Variants in UHRF1 observed in about 807,000 individuals in gnomAD.
UHRF1 encodes ubiquitin like with PHD and ring finger domains 1, also known as E3 ubiquitin-protein ligase UHRF1.
A neutral mutation model predicts 96.5 loss-of-function variants in UHRF1; 9 were observed. The observed-to-expected ratio is 0.09, with a 90% CI of 0.06 to 0.16. The LOEUF (loss-of-function observed/expected upper bound fraction) is 0.16. Among genes scored for constraint, UHRF1 ranks in the 10% least tolerant of loss-of-function variants. The probability of loss-of-function intolerance (pLI) is 1.00; values close to 1 mark genes in which losing one functional copy is unlikely to be tolerated. For missense variants in UHRF1, 626 were observed against 1,131.1 expected (o/e 0.55, Z 6.40); for synonymous variants, 455 against 469.9 (o/e 0.97, Z 0.41).
At chr19:4,909,338 G>A (rs2032152238), upstream of UHRF1, 1 of 584,176 alleles carries the variant, frequency 1.7e-6, no homozygotes, top group Non-Finnish European at 3.0e-6. Flanking sequence ...CGGAGCCGTG[G>A]CCCACTAGGC....
chr19:4,949,382 G>A (rs546744474), intron 11 of UHRF1, among the ~76,000 whole-genome samples: 17 of 150,182 alleles, frequency 1.1e-4, no homozygotes, highest in Non-Finnish European at 1.9e-4. Context: ...CTCTAACTCC[G>A]CTTTGAAAAA....
chr19:4,925,233 T>A (rs2032830891), intron 2 of UHRF1, among the ~76,000 whole-genome samples: 1 of 152,204 alleles, frequency 6.6e-6, no homozygotes, highest in African/African-American at 2.4e-5. Context: ...GCAGTCTATT[T>A]TAGAACATTT....
chr19:4,915,771 C>T (rs979760634), intron 2 of UHRF1, among the ~76,000 whole-genome samples: 3 of 152,194 alleles, frequency 2.0e-5, no homozygotes, highest in African/African-American at 4.8e-5. Flanking sequence ...GAATTGTCCC[C>T]GTGGACATAG....
chr19:4,929,210 G>C lies in UHRF1; in HGVS notation c.154-12G>C. On this transcript the variant is annotated splice_polypyrimidine_tract_variant and intron_variant, in intron 2 of 16. Transcript: ENST00000650932. ...GGTGGCTAAACAGCGTCTGCCTCTG[G>C]TGTCCCTGCAGATGGAGGACGGCCA... 5 of 1,606,210 alleles carry C rather than the reference G, an allele frequency of 3.1e-6. No homozygotes were observed. The highest frequency in any genetic ancestry group is 4.3e-6 in the Non-Finnish European group (5 of 1,174,144).
Position 4,962,071 on chromosome 19 carries a change from A to G in UHRF1, c.*1268A>G, listed in dbSNP as rs560986323. On this transcript the variant is annotated 3_prime_UTR_variant, in exon 17 of 17. Coordinates refer to ENST00000650932, the MANE Select transcript of UHRF1 (RefSeq NM_001048201.3). ...ATTATTAATGTATTAGGGAAGAATG[A>G]GACAATTTTGTGTAGGCTTTTTCTA... The G allele has an allele frequency of 3.3e-5, 5 of 152,336 alleles. No homozygotes were observed. The highest frequency in any genetic ancestry group is 1.3e-4 in the Admixed American group (2 of 15,298). 9.4% of individuals were successfully genotyped at this position (152,336 alleles called of 1,614,324 possible). A position where few individuals can be genotyped will look rare whatever the true frequency, so the allele number is the denominator to read the frequency against.
intron 2 of UHRF1, among the ~76,000 whole-genome samples, chr19:4,920,283 T>G (rs934014988): frequency 2.0e-5 from 3 of 151,896 alleles, no homozygotes; most frequent in African/African-American, 7.2e-5. Context: ...GATACAAAGA[T>G]TAGCTGGGTA....
chr19:4,936,629 G>A (rs1173436074), intron 5 of UHRF1, among the ~76,000 whole-genome samples: 1 of 152,042 alleles, frequency 6.6e-6, no homozygotes, highest in African/African-American at 2.4e-5. Flanking sequence ...ACCTTGCATT[G>A]TAGATTCACA....
chr19:4,931,308 C>T (rs1334242532), intron 4 of UHRF1, among the ~76,000 whole-genome samples: 1 of 152,186 alleles, frequency 6.6e-6, no homozygotes, highest in Non-Finnish European at 1.5e-5. Context: ...CGTGAGATTT[C>T]ACAGACGGTG....
intron 15 of UHRF1, among the ~76,000 whole-genome samples, chr19:4,955,033 C>G (rs2033819908): frequency 6.6e-6 from 1 of 152,126 alleles, no homozygotes; most frequent in African/African-American, 2.4e-5. Context: ...TCACTCCCAC[C>G]CCCTCCCAAG....
upstream of UHRF1, among the ~76,000 whole-genome samples, chr19:4,908,377 A>G (rs4807665): frequency 0.18 from 27,312 of 151,868 alleles, 5,173 homozygotes; most frequent in African/African-American, 0.48. Context: ...GGAACTCAAC[A>G]TTTTTCTGCT....
chr19:4,920,278 A>G (rs975483177), intron 2 of UHRF1, among the ~76,000 whole-genome samples: 1 of 152,054 alleles, frequency 6.6e-6, no homozygotes, highest in African/African-American at 2.4e-5. Context: ...CCAAAGATAC[A>G]AAGATTAGCT....
intron 2 of UHRF1, 48 bp downstream of exon 2, chr19:4,911,086 C>T (rs772215982): frequency 4.8e-6 from 7 of 1,457,824 alleles, no homozygotes; most frequent in South Asian, 1.5e-5. Context: ...CCAGGCCTCG[C>T]GCCTCTGCAG....
chr19:4,949,466 G>T (rs2033658953), intron 11 of UHRF1, among the ~76,000 whole-genome samples: 1 of 121,994 alleles, frequency 8.2e-6, no homozygotes, highest in Non-Finnish European at 1.7e-5. Context: ...AAAACAATTG[G>T]CACATAGACA....
chr19:4,949,790 A>G (rs2033668444), intron 11 of UHRF1, among the ~76,000 whole-genome samples: 1 of 151,964 alleles, frequency 6.6e-6, no homozygotes, highest in South Asian at 2.1e-4. Flanking sequence ...AGGCGTGATC[A>G]TGCCATTGCA....
upstream of UHRF1, chr19:4,909,408 G>A: frequency 1.5e-6 from 1 of 650,662 alleles, no homozygotes; most frequent in Non-Finnish European, 2.8e-6. Flanking sequence ...TCCCGCCACT[G>A]CGTCGGCCAA....
intron 10 of UHRF1, among the ~76,000 whole-genome samples, chr19:4,946,551 C>T (rs2033571031): frequency 6.6e-6 from 1 of 151,916 alleles, no homozygotes; most frequent in Admixed American, 6.6e-5. Context: ...GAATTCAAGA[C>T]TCCTGTGATA....
At chr19:4,953,915 G>A (rs888957700) in intron 13 of UHRF1, among the ~76,000 whole-genome samples, 10 of 151,776 alleles carry the variant, frequency 6.6e-5, no homozygotes, top group Admixed American at 4.6e-4. Context: ...GTGTGGTGGC[G>A]GGCACCTGTA....
At chr19:4,955,737 C>T (rs1439269035) in intron 15 of UHRF1, among the ~76,000 whole-genome samples, 1 of 151,880 alleles carries the variant, frequency 6.6e-6, no homozygotes, top group African/African-American at 2.4e-5. Flanking sequence ...TCTTTCGAGT[C>T]ATCCGAGGCT....
Position 4,954,527 on chromosome 19 carries a change from T to G in UHRF1, c.1957+39T>G. ...GGGTGTGGGGTGAGCGTCTTGTGTG[T>G]GGGGGAGCAGGTGGGCATCTCGCGG... is the stretch of plus-strand genomic sequence containing the variant. On this transcript the variant is annotated intron_variant, in intron 14 of 16. Coordinates refer to ENST00000650932, the MANE Select transcript of UHRF1 (RefSeq NM_001048201.3). This position sits in a 1 kb window ranked among gnomAD's most constrained non-coding sequence, Gnocchi z 5.9. 6.3e-7 allele frequency: 1 copy of G among 1,589,340 alleles called. No homozygotes were observed. Among genetic ancestry groups the G allele is most frequent in the Non-Finnish European group, 8.6e-7 (1 of 1,165,024 alleles).
Sources: gnomAD v4.1 joint callset for allele counts (sites outside exome capture counted in the v4.1 genomes callset) on GRCh38, gnomAD v4.1.1 for gene constraint, Gnocchi (gnomAD v3.1) non-coding constraint, MANE v1.5 for transcripts, NCBI Gene and HGNC (gene_info 2026-07-23, HGNC 2026-07-21) for gene names.